UGT1A10: variants seen among roughly 807,000 people sequenced by gnomAD.
UGT1A10 encodes UDP glucuronosyltransferase family 1 member A10, also known as UDP-glucuronosyltransferase 1A10.
UGT1A10 carries 49 observed loss-of-function variants against 45.8 expected under a neutral mutation model. The ratio of observed to expected loss-of-function variants is 1.07; its 90% confidence interval spans 0.85 to 1.36. UGT1A10 has a LOEUF of 1.36. UGT1A10 is among the 40% of genes most tolerant of loss of function. UGT1A10 has a pLI of 0.00. For missense variants in UGT1A10, 745 were observed against 668.6 expected (o/e 1.11, Z -1.26); for synonymous variants, 284 against 249.7 (o/e 1.14, Z -1.29).
intron 1 of UGT1A10, among the ~76,000 whole-genome samples, chr2:233,739,362 G>T (rs1691069001): frequency 1.3e-5 from 2 of 152,136 alleles, no homozygotes; most frequent in South Asian, 2.1e-4. Context: ...AGATCCAATA[G>T]CTTGCACTGT....
intron 1 of UGT1A10, chr2:233,760,250 G>A (rs1489611347): frequency 6.2e-7 from 1 of 1,601,220 alleles, no homozygotes; most frequent in Non-Finnish European, 8.5e-7. Context: ...ATATATATAA[G>A]TAGGAGAGGG....
intron 1 of UGT1A10, chr2:233,747,954 C>A: frequency 4.3e-6 from 7 of 1,613,446 alleles, no homozygotes; most frequent in Middle Eastern, 1.7e-4. Flanking sequence ...AGTGGTGGAT[C>A]TTCTCAGCCA....
chr2:233,767,304 G>T, intron 2 of UGT1A10, 139 bp downstream of exon 2: 23 of 1,525,164 alleles, frequency 1.5e-5, no homozygotes, highest in South Asian at 2.6e-5. Context: ...TTAATCCAAA[G>T]GTTTTTTTTG....
chr2:233,683,036 T>C (rs1001644335), intron 1 of UGT1A10, among the ~76,000 whole-genome samples: 1 of 152,182 alleles, frequency 6.6e-6, no homozygotes, highest in African/African-American at 2.4e-5. Context: ...ATCTAAATGC[T>C]ATTTTTGGAA....
At chr2:233,695,143 T>TTTTTTTTG in intron 1 of UGT1A10, among the ~76,000 whole-genome samples, 1 of 151,230 alleles carries the variant, frequency 6.6e-6, no homozygotes, top group Non-Finnish European at 1.5e-5. Context: ...TTTTTTTTTT[T>TTTTTTTTG]TGAGACAGAG....
chr2:233,765,894 C>T (rs527736361), intron 1 of UGT1A10, among the ~76,000 whole-genome samples: 4 of 152,178 alleles, frequency 2.6e-5, no homozygotes, highest in African/African-American at 9.6e-5. Context: ...CAGTGCGCCA[C>T]TGCTCAAACC....
At chr2:233,666,638 AT>A (rs949681151) in intron 1 of UGT1A10, among the ~76,000 whole-genome samples, 63 of 151,272 alleles carry the variant, frequency 4.2e-4, no homozygotes, top group African/African-American at 1.4e-3. Context: ...GTTTGTTTTT[AT>A]TTTTTTATTT....
chr2:233,678,379 G>A (rs1408396387), intron 1 of UGT1A10, among the ~76,000 whole-genome samples: 4 of 152,118 alleles, frequency 2.6e-5, no homozygotes, highest in East Asian at 1.9e-4. Context: ...CCATTGAGTG[G>A]GCTGTGGAGG....
rs909741702 is a variant in UGT1A10, at chr2:233,769,798, T to C, written c.1295+1359T>C. On this transcript the variant is annotated intron_variant, in intron 4 of 4. Coordinates refer to ENST00000344644, the MANE Select transcript of UGT1A10 (RefSeq NM_019075.4). This position sits in a 1 kb window ranked among gnomAD's most constrained non-coding sequence, Gnocchi z 4.4. ...TGAGCCCAGAAGTTGGAGGCTGCTA[T>C]GAGCCGTGATCATGCCACTGCACTC... The C allele has an allele frequency of 8.3e-7, 1 of 1,206,032 alleles. No homozygotes were observed. The highest frequency in any genetic ancestry group is 1.6e-5 in the African/African-American group (1 of 64,426). 74.7% of individuals were successfully genotyped at this position (1,206,032 alleles called of 1,614,324 possible). A position where few individuals can be genotyped will look rare whatever the true frequency, so the allele number is the denominator to read the frequency against.
intron 1 of UGT1A10, among the ~76,000 whole-genome samples, chr2:233,687,607 A>T (rs1248545221): frequency 6.1e-5 from 9 of 147,964 alleles, no homozygotes; most frequent in East Asian, 1.9e-4. Flanking sequence ...AAAAAAAAAA[A>T]GGAAAGAAAA....
chr2:233,705,434 C>T (rs1056138201), intron 1 of UGT1A10, among the ~76,000 whole-genome samples: 1 of 152,130 alleles, frequency 6.6e-6, no homozygotes, highest in African/African-American at 2.4e-5. Flanking sequence ...CATAACTTAT[C>T]CTTCAGAATT....
chr2:233,726,010 C>A (rs575189558), intron 1 of UGT1A10, among the ~76,000 whole-genome samples: 58 of 152,004 alleles, frequency 3.8e-4, no homozygotes, highest in African/African-American at 1.2e-3. Context: ...TACAAAAAAT[C>A]AAAAAATTAT....
chr2:233,768,119 T>G, intron 3 of UGT1A10, 101 bp from the exon 4 acceptor site: 4 of 1,600,008 alleles, frequency 2.5e-6, no homozygotes, highest in Non-Finnish European at 3.4e-6. Flanking sequence ...CAAGGGCATG[T>G]GAGTAACACT....
intron 1 of UGT1A10, chr2:233,721,450 G>C (rs970104665): frequency 6.0e-6 from 1 of 165,414 alleles, no homozygotes; most frequent in South Asian, 1.7e-4. Flanking sequence ...GTTATAGTGA[G>C]CACCCAATAA....
rs200903749 is a variant in UGT1A10, at chr2:233,767,133, A to G, written c.955A>G (p.Ile319Val). ...SEIPEKKAMAIADALGKIPQT... is the reference protein window; with the variant it reads ...SEIPEKKAMAVADALGKIPQT... ...AATTCCAGAGAAGAAAGCTATGGCA[A>G]TTGCTGATGCTTTGGGCAAAATCCC... The change falls in exon 2 of 5, where the codon ATT (isoleucine) becomes GTT (valine). Residue 319 changes from isoleucine (I) to valine (V), a missense_variant. Physicochemically the swap from Ile to Val is conservative, Grantham distance 29 (BLOSUM62 3). Coordinates refer to ENST00000344644, the MANE Select transcript of UGT1A10 (RefSeq NM_019075.4). 1,419 of 1,614,112 alleles carry G rather than the reference A, an allele frequency of 8.8e-4. 26 individuals are homozygous for G. In the South Asian group the frequency reaches 0.015, roughly 17 times the overall value.
At chr2:233,696,617 TC>T (rs2125568424) in intron 1 of UGT1A10, among the ~76,000 whole-genome samples, 1 of 152,346 alleles carries the variant, frequency 6.6e-6, no homozygotes, top group African/African-American at 2.4e-5. Context: ...TTTCTTTCTT[TC>T]TTTCTCTTGC....
At position 233,713,960 on chromosome 2, in the gene UGT1A10, A is replaced by T; in HGVS notation, c.856-53074A>T. 4.4e-6 allele frequency: 7 copies of T among 1,607,060 alleles called. No homozygotes were observed. The East Asian group carries it at 1.3e-4, about 31-fold the overall frequency. The stretch of plus-strand genomic sequence containing the variant: ...TCCATATCTACTTATCTTTCCAAAG[A>T]TTTCATTTCTGCTTCTCATTGTTGT... On this transcript the variant is annotated intron_variant, in intron 1 of 4. Coordinates refer to ENST00000344644, the MANE Select transcript of UGT1A10 (RefSeq NM_019075.4).
At chr2:233,682,051 G>T (rs200190624) in intron 1 of UGT1A10, 1 of 1,614,102 alleles carries the variant, frequency 6.2e-7, no homozygotes. Context: ...GGAGCCACTG[G>T]TTCACCATGC....
chr2:233,719,548 T>C, intron 1 of UGT1A10: 1 of 1,613,762 alleles, frequency 6.2e-7, no homozygotes, highest in Non-Finnish European at 8.5e-7. Flanking sequence ...CAGAGAGAGG[T>C]GTCAGTGGTG....
Sources: gnomAD v4.1 joint callset for allele counts (sites outside exome capture counted in the v4.1 genomes callset) on GRCh38, gnomAD v4.1.1 for gene constraint, Gnocchi (gnomAD v3.1) non-coding constraint, MANE v1.5 for transcripts, NCBI Gene and HGNC (gene_info 2026-07-23, HGNC 2026-07-21) for gene names.